The following REXO1 variants were observed in gnomAD, a reference collection of about 807,000 sequenced individuals.
REXO1 encodes the protein RNA exonuclease 1 homolog.
Under a neutral mutation model 102.6 loss-of-function variants are expected in REXO1, and 42 were observed. The observed-to-expected ratio is 0.41, with a 90% CI of 0.32 to 0.53. The LOEUF is 0.53. Among genes scored for constraint, REXO1 ranks in the 20% least tolerant of loss-of-function variants. The pLI is 0.27. For synonymous variants in REXO1, 908 were observed against 779.1 expected (o/e 1.17, Z -2.76); for missense variants, 1,819 against 1,732.5 (o/e 1.05, Z -0.89).
At position 1,827,608 on chromosome 19, in the gene REXO1, T is replaced by G; in HGVS notation, c.1181A>C (p.Gln394Pro). 6.3e-7 allele frequency: 1 copy of G among 1,583,008 alleles called. No individual in the cohort carries two copies. The highest frequency in any genetic ancestry group is 8.5e-7 in the Non-Finnish European group (1 of 1,174,024). ...CTTGTCCTTGGTCTTGTCCTTCCCC[T>G]GGGCCCCGTCTTTGCAGCTGGGGGC... ...PPAPSCKDGAQGKDKTKDKGR... is the reference protein window; with the variant it reads ...PPAPSCKDGAPGKDKTKDKGR... Residue 394 changes from glutamine to proline, a missense_variant, in exon 2 of 16, where the codon CAG (glutamine) becomes CCG (proline). By Grantham distance (76) the Gln-to-Pro change is moderately conservative. Coordinates refer to ENST00000170168, the MANE Select transcript of REXO1 (RefSeq NM_020695.4).
intron 1 of REXO1, among the ~76,000 whole-genome samples, chr19:1,846,445 G>A (rs556081472): frequency 3.9e-4 from 60 of 152,318 alleles, no homozygotes; most frequent in African/African-American, 1.4e-3. Context: ...CCAGCAAAAG[G>A]GAAATGCAGA....
intron 1 of REXO1, among the ~76,000 whole-genome samples, chr19:1,845,917 G>A (rs2011516101): frequency 6.6e-6 from 1 of 152,178 alleles, no homozygotes; most frequent in Non-Finnish European, 1.5e-5. Context: ...CCCTGCCCTG[G>A]CCAGGTGGTA....
chr19:1,839,650 G>A (rs1215992695), intron 1 of REXO1, among the ~76,000 whole-genome samples: 1 of 152,262 alleles, frequency 6.6e-6, no homozygotes, highest in Non-Finnish European at 1.5e-5. Flanking sequence ...TCCAGCACAT[G>A]TTCTCTGAAT....
At position 1,825,363 on chromosome 19, in the gene REXO1, T is replaced by C. The variant is rs912174311; in HGVS notation, c.2016+476A>G. Among the ~76,000 whole-genome samples the C allele has an allele frequency of 2.0e-5, 3 of 148,182 alleles. No individual in the cohort carries two copies. In the South Asian group the frequency reaches 6.5e-4, roughly 32 times the overall value. On this transcript the variant is annotated intron_variant, in intron 3 of 15. Coordinates refer to ENST00000170168, the MANE Select transcript of REXO1 (RefSeq NM_020695.4). Reference sequence around the variant, plus strand: ...CAAACAGAAAACAGAGGGATGAAGCTGGGAGCAGTGGCTCACGCCTGTAAT... The same window carrying C: ...CAAACAGAAAACAGAGGGATGAAGCCGGGAGCAGTGGCTCACGCCTGTAAT...
In REXO1 at chr19:1,826,850, G is replaced by A. The variant is rs2069739018; in HGVS notation, c.1911+28C>T. 4.5e-6 allele frequency: 7 copies of A among 1,556,002 alleles called. No individual in the cohort carries two copies. ...GGCCCTCGGCTCTGCCTCTGCCCGA[G>A]CCCAGCCCCAGCACCCGCGCGCCTC... is the stretch of plus-strand genomic sequence containing the variant. On this transcript the variant is annotated intron_variant, in intron 2 of 15. Transcript: ENST00000170168. This position sits in a 1 kb window ranked among gnomAD's most constrained non-coding sequence, Gnocchi z 4.3.
chr19:1,836,712 C>G (rs905118867), intron 1 of REXO1, among the ~76,000 whole-genome samples: 1 of 142,362 alleles, frequency 7.0e-6, no homozygotes, highest in Non-Finnish European at 1.5e-5. Context: ...CGCCATCGCA[C>G]TGCAGCCTGG....
intron 1 of REXO1, among the ~76,000 whole-genome samples, chr19:1,836,882 T>C (rs1393671855): frequency 6.6e-6 from 1 of 151,908 alleles, no homozygotes; most frequent in African/African-American, 2.4e-5. Flanking sequence ...GGGCCCCGCA[T>C]GCTGGCCCAG....
intron 1 of REXO1, among the ~76,000 whole-genome samples, chr19:1,829,583 C>A (rs1009061309): frequency 2.6e-5 from 4 of 152,032 alleles, no homozygotes; most frequent in African/African-American, 7.2e-5. Flanking sequence ...CCAAGGCGGG[C>A]GGATCACCTG....
chr19:1,815,791 G>A lies in REXO1; in HGVS notation c.*275C>T, dbSNP rs1235335722. The A allele has an allele frequency of 2.1e-6, 3 of 1,462,264 alleles. No individual in the cohort carries two copies. Among genetic ancestry groups the A allele is most frequent in the South Asian group, 2.7e-5 (2 of 74,754 alleles). The allele number at this position is 1,462,264 out of a possible 1,614,324, so 90.6% of individuals were successfully genotyped here. On this transcript the variant is annotated 3_prime_UTR_variant, in exon 16 of 16. Transcript: ENST00000170168. The surrounding 1 kb of genome is among the most constrained non-coding windows in gnomAD (Gnocchi z 4.0). ...AGGGGCAGGAGGGGCTGCGGGCCGGGTGGGGGCGGGCTCTGTCCTGGTCTC... is the reference window on the plus strand; with the variant it reads ...AGGGGCAGGAGGGGCTGCGGGCCGGATGGGGGCGGGCTCTGTCCTGGTCTC...
At position 1,827,089 on chromosome 19, in the gene REXO1, G is replaced by C; in HGVS notation, c.1700C>G (p.Pro567Arg). 1 of 1,541,272 alleles carries C rather than the reference G, an allele frequency of 6.5e-7. No homozygotes were observed. The change falls in exon 2 of 16, where the codon CCC (proline) becomes CGC (arginine). Residue 567 changes from proline (P) to arginine (R), a missense_variant. Coordinates refer to ENST00000170168, the MANE Select transcript of REXO1 (RefSeq NM_020695.4). The stretch of plus-strand genomic sequence containing the variant: ...GGGCGGGGAGGCCTTGAGCCGCTTG[G>C]GCGGCCCCTGCGCCTCCGGGAAGCC... ...SLGFPEAQGP[P>R]KRLKASPPPS...
intron 1 of REXO1, among the ~76,000 whole-genome samples, chr19:1,835,664 G>T (rs546639235): frequency 6.6e-6 from 1 of 152,294 alleles, no homozygotes; most frequent in South Asian, 2.1e-4. Flanking sequence ...AGGAGCAGGT[G>T]GGCTCCTTCC....
At chr19:1,817,646 A>G (rs933397074) in intron 11 of REXO1, 61 bp downstream of exon 11, 1 of 1,539,358 alleles carries the variant, frequency 6.5e-7, no homozygotes, top group South Asian at 1.2e-5. Flanking sequence ...CCCCACACCA[A>G]CGATGGGGAG....
rs1463286001 is a variant in REXO1, at chr19:1,816,793, C to T, written c.3222G>A (p.Leu1074=). 1.2e-6 allele frequency: 2 copies of T among 1,612,706 alleles called. No homozygotes were observed. The highest frequency in any genetic ancestry group is 8.5e-7 in the Non-Finnish European group (1 of 1,179,842). ...DCEMSYTTYG[L]ELTRVTVVDT... ...CGACCACCGTGACGCGCGTCAGCTC[C>T]AGGCCATATGTGGTGTAGGACTGCG... The change falls in exon 13 of 16, where the codon CTG becomes CTA. Residue 1074 remains leucine (L), a synonymous_variant. Transcript: ENST00000170168.
In REXO1 at chr19:1,827,705, C is replaced by A. The variant is rs373767648; in HGVS notation, c.1084G>T (p.Val362Phe). 89 of 1,570,636 alleles carry A rather than the reference C, an allele frequency of 5.7e-5. No individual in the cohort carries two copies. Among genetic ancestry groups the A allele is most frequent in the Non-Finnish European group, 1.2e-5 (14 of 1,170,506 alleles). The stretch of plus-strand genomic sequence containing the variant: ...CAGCCCCCATCCTGTGAGGACTGGA[C>A]CTGGGCTGGGGAGGCGGGCTTGGCT... ...PPAKPASPAQ[V>F]QSSQDGGCPK... is the part of the protein sequence containing the mutation. Residue 362 changes from valine (V) to phenylalanine (F), a missense_variant, in exon 2 of 16, where the codon GTC (valine) becomes TTC (phenylalanine). Coordinates refer to ENST00000170168, the MANE Select transcript of REXO1 (RefSeq NM_020695.4).
At position 1,843,260 on chromosome 19, in the gene REXO1, GC is replaced by G. The variant is rs553344259; in HGVS notation, c.157+4941del. ...CAGCTGGGCAAAGCTTCAACCCCCC[GC>G]CCGGAGGGTCCCAGCTCCCCAGGGC... On this transcript the variant is annotated intron_variant, in intron 1 of 15. Transcript: ENST00000170168. 6.6e-4 allele frequency among the ~76,000 whole-genome samples: 99 copies of G among 149,950 alleles called. 1 individual carries two copies. The highest frequency in any genetic ancestry group is 2.4e-3 in the African/African-American group (98 of 40,536).
At position 1,818,960 on chromosome 19, in the gene REXO1, G is replaced by A. The variant is rs1320826310; in HGVS notation, c.2764+58C>T. 3.8e-6 allele frequency: 6 copies of A among 1,568,688 alleles called. No individual in the cohort carries two copies. The East Asian group carries it at 9.1e-5, about 24-fold the overall frequency. On this transcript the variant is annotated intron_variant, in intron 8 of 15. Transcript: ENST00000170168. ...ACGAAGCACCGTGTGGCACAGCAGGGGCTGGGCCGGCAGAGGCCCACGAAG... is the reference window on the plus strand; with the variant it reads ...ACGAAGCACCGTGTGGCACAGCAGGAGCTGGGCCGGCAGAGGCCCACGAAG...
rs773282068 is a variant in REXO1, at chr19:1,816,564, G to A, written c.3323C>T (p.Ser1108Leu). 5 of 1,390,490 alleles carry A rather than the reference G, an allele frequency of 3.6e-6. No homozygotes were observed. Among genetic ancestry groups the A allele is most frequent in the Non-Finnish European group, 4.8e-6 (5 of 1,043,728 alleles). 86.1% of individuals were successfully genotyped at this position (1,390,490 alleles called of 1,614,324 possible). The change falls in exon 14 of 16, where the codon TCG (serine) becomes TTG (leucine). Residue 1108 changes from serine to leucine, a missense_variant. Physicochemically the swap from Ser to Leu is moderately radical, Grantham distance 145. Coordinates refer to ENST00000170168, the MANE Select transcript of REXO1 (RefSeq NM_020695.4). ...NEIVDYNTRF[S>L]GVTEADLADT... Reference sequence around the variant, plus strand: ...GGCAAGGTCAGCCTCCGTCACCCCCGAAAACCTGGGGGAACGGGCAGGAGG... The same window carrying A: ...GGCAAGGTCAGCCTCCGTCACCCCCAAAAACCTGGGGGAACGGGCAGGAGG...
chr19:1,836,817 AG>A (rs975523841), intron 1 of REXO1, among the ~76,000 whole-genome samples: 6 of 151,096 alleles, frequency 4.0e-5, no homozygotes, highest in Admixed American at 3.9e-4. Context: ...GTGGGCCCGC[AG>A]GGCTCTCAAC....
In REXO1 at chr19:1,843,162, G is replaced by A. The variant is rs550734170; in HGVS notation, c.157+5040C>T. Among the ~76,000 whole-genome samples, 865 of 136,986 alleles carry A rather than the reference G, an allele frequency of 6.3e-3. 4 individuals are homozygous for A. The highest frequency in any genetic ancestry group is 9.7e-3 in the Non-Finnish European group (603 of 62,338). 89.9% of individuals were successfully genotyped at this position (136,986 alleles called of 152,430 possible). ...CCCGCCCGGAGGGTCCCAGCTCCCC[G>A]GGCCCAGAGCCGCAGCTGGGCGAAG... On this transcript the variant is annotated intron_variant, in intron 1 of 15. Coordinates refer to ENST00000170168, the MANE Select transcript of REXO1 (RefSeq NM_020695.4).
Sources: gnomAD v4.1 joint callset for allele counts (sites outside exome capture counted in the v4.1 genomes callset) on GRCh38, gnomAD v4.1.1 for gene constraint, Gnocchi (gnomAD v3.1) non-coding constraint, MANE v1.5 for transcripts, NCBI Gene and HGNC (gene_info 2026-07-23, HGNC 2026-07-21) for gene names.